RALGPS2: variants seen among roughly 807,000 people sequenced by gnomAD.
The protein encoded by RALGPS2 is ras-specific guanine nucleotide-releasing factor RalGPS2.
Under a neutral mutation model 86.8 loss-of-function variants are expected in RALGPS2, and 43 were observed. The ratio of observed to expected loss-of-function variants is 0.50; its 90% CI spans 0.39 to 0.64. The LOEUF (loss-of-function observed/expected upper bound fraction) is 0.64, where lower values mean the gene tolerates loss of function less well. RALGPS2 is among the 30% of genes least tolerant of loss of function. The pLI, the probability that RALGPS2 is intolerant of heterozygous loss-of-function variation, is 0.00. For missense variants in RALGPS2, 536 were observed against 694.6 expected (o/e 0.77, Z 2.57); for synonymous variants, 243 against 231.3 (o/e 1.05, Z -0.46).
intron 1 of RALGPS2, among the ~76,000 whole-genome samples, chr1:178,753,436 ATC>A (rs1651784881): frequency 6.6e-6 from 1 of 152,104 alleles, no homozygotes; most frequent in African/African-American, 2.4e-5. Flanking sequence ...AATATCTTCC[ATC>A]TCCTAAATAA....
At chr1:178,734,625 G>C (rs761344834) in intron 1 of RALGPS2, among the ~76,000 whole-genome samples, 2 of 152,234 alleles carry the variant, frequency 1.3e-5, no homozygotes, top group Admixed American at 6.5e-5. Flanking sequence ...TAATATTTGA[G>C]AAGAGCAAGA....
chr1:178,776,902 TAAATC>T (rs1384462442), intron 2 of RALGPS2, 81 bp downstream of exon 2: 3 of 1,096,220 alleles, frequency 2.7e-6, no homozygotes, highest in South Asian at 2.8e-5. Context: ...TTCACATACT[TAAATC>T]AGAAGTGCAT....
chr1:178,881,524 A>G (rs1038343122), intron 10 of RALGPS2, among the ~76,000 whole-genome samples: 2 of 152,108 alleles, frequency 1.3e-5, no homozygotes, highest in African/African-American at 2.4e-5. Flanking sequence ...ATCTCAGCTC[A>G]CTGCAACCTC....
chr1:178,892,186 T>A (rs1314095476), intron 14 of RALGPS2, 44 bp from the exon 15 acceptor site: 2 of 1,526,224 alleles, frequency 1.3e-6, no homozygotes, highest in Admixed American at 3.4e-5. Flanking sequence ...ACTGTGTGAA[T>A]AAAAGTATAT....
intron 6 of RALGPS2, among the ~76,000 whole-genome samples, chr1:178,817,844 A>G (rs537149924): frequency 6.6e-6 from 1 of 152,296 alleles, no homozygotes; most frequent in East Asian, 1.9e-4. Flanking sequence ...ATAGACAGCC[A>G]ATGTTCTGAT....
At chr1:178,818,547 T>C (rs1042139201) in intron 6 of RALGPS2, among the ~76,000 whole-genome samples, 1 of 152,152 alleles carries the variant, frequency 6.6e-6, no homozygotes, top group Non-Finnish European at 1.5e-5. Context: ...GTCCCAGAGA[T>C]CTCTCTCTGC....
At chr1:178,893,453 CT>C (rs71569219) in intron 15 of RALGPS2, among the ~76,000 whole-genome samples, 429 of 116,168 alleles carry the variant, frequency 3.7e-3, no homozygotes, top group Middle Eastern at 0.019. Context: ...AGCATGTTTT[CT>C]TTTTTTTTTT....
At chr1:178,757,733 G>T (rs1652026457) in intron 1 of RALGPS2, among the ~76,000 whole-genome samples, 1 of 152,052 alleles carries the variant, frequency 6.6e-6, no homozygotes, top group African/African-American at 2.4e-5. Flanking sequence ...GTTCATCAGG[G>T]ATATTGGCCT....
At chr1:178,838,832 G>A (rs1337658054) in intron 8 of RALGPS2, among the ~76,000 whole-genome samples, 1 of 152,200 alleles carries the variant, frequency 6.6e-6, no homozygotes, top group Non-Finnish European at 1.5e-5. Context: ...ACCTGATGGA[G>A]CTGAAAACCA....
At chr1:178,860,130 C>G (rs1399327970) in intron 8 of RALGPS2, among the ~76,000 whole-genome samples, 1 of 152,088 alleles carries the variant, frequency 6.6e-6, no homozygotes, top group Non-Finnish European at 1.5e-5. Flanking sequence ...CTCCACTCAG[C>G]TCTCCTACAA....
chr1:178,836,523 ACT>A (rs1656280142), intron 8 of RALGPS2, among the ~76,000 whole-genome samples: 2 of 151,818 alleles, frequency 1.3e-5, no homozygotes, highest in Admixed American at 6.5e-5. Context: ...CTCCATCTTC[ACT>A]CTCTAGAAAT....
At chr1:178,725,622 G>A (rs1318625550) in intron 1 of RALGPS2, 2 of 151,934 alleles carry the variant, frequency 1.3e-5, no homozygotes, top group Non-Finnish European at 2.9e-5. Context: ...AGGGCGCTGG[G>A]CGGCGCGCCT....
At chr1:178,771,363 C>T (rs532090881) in intron 1 of RALGPS2, among the ~76,000 whole-genome samples, 7 of 152,244 alleles carry the variant, frequency 4.6e-5, no homozygotes, top group South Asian at 2.1e-4. Flanking sequence ...ATATATTTAT[C>T]GAATGTTTCT....
At chr1:178,859,761 G>A (rs112445053) in intron 8 of RALGPS2, among the ~76,000 whole-genome samples, 2,630 of 114,090 alleles carry the variant, frequency 0.023, 270 homozygotes, top group African/African-American at 0.1. Context: ...GCAGTGTCGC[G>A]ATCTCGGCTC....
chr1:178,839,556 A>G (rs1195041603), intron 8 of RALGPS2, among the ~76,000 whole-genome samples: 1 of 152,074 alleles, frequency 6.6e-6, no homozygotes, highest in Non-Finnish European at 1.5e-5. Context: ...CACTGCAAAA[A>G]CATGCCAAAT....
At chr1:178,800,234 A>G (rs953534819) in intron 4 of RALGPS2, among the ~76,000 whole-genome samples, 3 of 152,320 alleles carry the variant, frequency 2.0e-5, no homozygotes, top group African/African-American at 7.2e-5. Flanking sequence ...CTTTTACAAC[A>G]TGGACCGTTC....
In RALGPS2 at chr1:178,783,484, C is replaced by A. The variant is rs548263407; in HGVS notation, c.58-934C>A. On this transcript the variant is annotated intron_variant, in intron 2 of 19. Coordinates refer to ENST00000367635, the MANE Select transcript of RALGPS2 (RefSeq NM_152663.5). Reference sequence around the variant, plus strand: ...GTTGAGAATTTTTTAAAGTTAAGGACAGATCCCTTTCTTTGTAATGATCGT... The same window carrying A: ...GTTGAGAATTTTTTAAAGTTAAGGAAAGATCCCTTTCTTTGTAATGATCGT... 6.6e-5 allele frequency among the ~76,000 whole-genome samples: 10 copies of A among 152,238 alleles called. No individual in the cohort carries two copies. In the East Asian group the frequency reaches 1.9e-3, roughly 29 times the overall value.
rs140971901 is a variant in RALGPS2 at position 178,776,588 on chromosome 1, T to C, written c.-83-94T>C. ...AGATAATAAATAGAGTTTAGTGAAG[T>C]TGAAATTTTTGTTTCTTGGCATGGT... On this transcript the variant is annotated intron_variant, in intron 1 of 19. Transcript: ENST00000367635. 3.4e-4 allele frequency: 163 copies of C among 474,570 alleles called. 2 individuals are homozygous for C. The East Asian group carries it at 4.7e-3, about 14-fold the overall frequency. 29.4% of individuals were successfully genotyped at this position (474,570 alleles called of 1,614,324 possible).
intron 14 of RALGPS2, among the ~76,000 whole-genome samples, chr1:178,889,967 A>T: frequency 6.6e-6 from 1 of 152,002 alleles, no homozygotes; most frequent in East Asian, 1.9e-4. Flanking sequence ...ATAACCGATC[A>T]TCGACAAGTA....
Sources: allele counts gnomAD v4.1 joint callset (sites outside exome capture counted in the v4.1 genomes callset), GRCh38; gene constraint gnomAD v4.1.1; transcripts MANE v1.5; gene names NCBI Gene and HGNC (gene_info 2026-07-23, HGNC 2026-07-21).